Variants in GPRIN3 observed in about 807,000 individuals in gnomAD.
GPRIN3 encodes the protein GPRIN family member 3.
In GPRIN3, 12 loss-of-function variants were observed where a neutral mutation model predicts 13.7. That is an observed-to-expected ratio of 0.87 (90% CI 0.56 to 1.42). GPRIN3 has a LOEUF of 1.42. GPRIN3 is among the 40% of genes most tolerant of loss of function. GPRIN3 has a pLI of 0.00. For missense variants in GPRIN3, 1,009 were observed against 958.7 expected, an observed-to-expected ratio of 1.05 and a Z score of -0.69; for synonymous variants, 377 against 372.7, an observed-to-expected ratio of 1.01 and a Z score of -0.13.
intron 1 of GPRIN3, among the ~76,000 whole-genome samples, chr4:89,266,545 G>C (rs986075165): frequency 4.6e-5 from 7 of 152,200 alleles, no homozygotes. Context: ...AATGGTTTAG[G>C]AAAACTTGAC....
chr4:89,256,175 T>G (rs773869025), intron 1 of GPRIN3, among the ~76,000 whole-genome samples: 1 of 152,028 alleles, frequency 6.6e-6, no homozygotes, highest in Non-Finnish European at 1.5e-5. Flanking sequence ...ACTGTAACCA[T>G]GAGAAGAAAA....
At chr4:89,300,218 G>A (rs1724856934) in intron 1 of GPRIN3, among the ~76,000 whole-genome samples, 1 of 152,032 alleles carries the variant, frequency 6.6e-6, no homozygotes, top group Non-Finnish European at 1.5e-5. Context: ...GCATTTTGGA[G>A]CTCAATGGTA....
chr4:89,296,944 T>C (rs772145417), intron 1 of GPRIN3, among the ~76,000 whole-genome samples: 22 of 152,214 alleles, frequency 1.4e-4, no homozygotes, highest in Non-Finnish European at 2.6e-4. Context: ...AAATCCAAGA[T>C]AGAAGACAGA....
intron 1 of GPRIN3, among the ~76,000 whole-genome samples, chr4:89,297,329 T>C (rs193255667): frequency 1.3e-5 from 2 of 152,186 alleles, no homozygotes; most frequent in Non-Finnish European, 1.5e-5. Context: ...TATGGAGACA[T>C]GTATTAGGGT....
At chr4:89,300,310 T>C (rs1299100245) in intron 1 of GPRIN3, among the ~76,000 whole-genome samples, 1 of 152,060 alleles carries the variant, frequency 6.6e-6, no homozygotes, top group African/African-American at 2.4e-5. Flanking sequence ...AGTGAAGCTG[T>C]TGGGCACAAG....
chr4:89,300,674 G>C (rs552413688), intron 1 of GPRIN3, among the ~76,000 whole-genome samples: 1 of 152,210 alleles, frequency 6.6e-6, no homozygotes, highest in South Asian at 2.1e-4. Context: ...TCCCTCATAT[G>C]AAAGGAGACT....
intron 1 of GPRIN3, among the ~76,000 whole-genome samples, chr4:89,303,849 T>C (rs1026250982): frequency 6.6e-6 from 1 of 150,412 alleles, no homozygotes; most frequent in Non-Finnish European, 1.5e-5. Context: ...TAACATCACG[T>C]TGTATACTTT....
rs1353754048 is a variant in GPRIN3, at chr4:89,239,347, C to G, written c.*8433G>C. 1 of 152,060 alleles carries G rather than the reference C, an allele frequency of 6.6e-6. No individual in the cohort carries two copies. Among genetic ancestry groups the G allele is most frequent in the African/African-American group, 2.4e-5 (1 of 41,428 alleles). The allele number at this position is 152,060 out of a possible 1,614,324, so 9.4% of individuals were successfully genotyped here. The stretch of plus-strand genomic sequence containing the variant: ...TCTGGGTATTATTCAAATTAATACA[C>G]ATCTTTCAAAAATAATCACATAAAT... On this transcript the variant is annotated 3_prime_UTR_variant, in exon 2 of 2. Transcript: ENST00000609438.
intron 1 of GPRIN3, among the ~76,000 whole-genome samples, chr4:89,268,534 C>T (rs1245349774): frequency 2.6e-5 from 4 of 152,160 alleles, no homozygotes; most frequent in African/African-American, 9.7e-5. Flanking sequence ...TGCTACCCCT[C>T]CCAAATCCCC....
rs749356839 is a variant in GPRIN3 at position 89,247,908 on chromosome 4, T to C, written c.2203A>G (p.Ile735Val). The C allele has an allele frequency of 2.5e-6, 4 of 1,614,088 alleles. No homozygotes were observed. The highest frequency in any genetic ancestry group is 1.3e-5 in the African/African-American group (1 of 74,932). Reference protein sequence around the residue: ...KTQNSQTRRSISSDTSSNKKL... With the variant: ...KTQNSQTRRSVSSDTSSNKKL... The stretch of plus-strand genomic sequence containing the variant: ...TTATTTGAAGAAGTATCTGAGGAAA[T>C]GGATCTCCGGGTCTGGCTATTTTGA... Residue 735 changes from isoleucine to valine, a missense_variant, in exon 2 of 2, where the codon ATT becomes GTT. Transcript: ENST00000609438.
rs1722845473 is a variant in GPRIN3 at position 89,238,620 on chromosome 4, C to G, written c.*9160G>C. The G allele has an allele frequency of 6.6e-6, 1 of 151,600 alleles. No homozygotes were observed. Among genetic ancestry groups the G allele is most frequent in the Non-Finnish European group, 1.5e-5 (1 of 67,906 alleles). 9.4% of individuals were successfully genotyped at this position (151,600 alleles called of 1,614,324 possible). ...AACGCACAAACACACACACACTCTGCTCTACCAAGTACAGGAAAAACCTCG... is the reference window on the plus strand; with the variant it reads ...AACGCACAAACACACACACACTCTGGTCTACCAAGTACAGGAAAAACCTCG... On this transcript the variant is annotated 3_prime_UTR_variant, in exon 2 of 2. Coordinates refer to ENST00000609438, the MANE Select transcript of GPRIN3 (RefSeq NM_198281.3).
intron 1 of GPRIN3, among the ~76,000 whole-genome samples, chr4:89,298,460 T>C (rs934747468): frequency 6.6e-6 from 1 of 151,948 alleles, no homozygotes; most frequent in East Asian, 1.9e-4. Flanking sequence ...GGCTGCTTGG[T>C]TAGGACAGAG....
chr4:89,252,060 C>T lies in GPRIN3; in HGVS notation c.-123-1827G>A, dbSNP rs148886789. Among the ~76,000 whole-genome samples the T allele has an allele frequency of 8.4e-3, 1,276 of 151,850 alleles. 18 individuals are homozygous for T. Among genetic ancestry groups the T allele is most frequent in the African/African-American group, 0.029 (1,210 of 41,370 alleles). ...CAGTCATGGCTCACTGCAGCCTCGACCTCCCAGGCTCAAGCTATCTTCCCA... is the reference window on the plus strand; with the variant it reads ...CAGTCATGGCTCACTGCAGCCTCGATCTCCCAGGCTCAAGCTATCTTCCCA... On this transcript the variant is annotated intron_variant, in intron 1 of 1. Coordinates refer to ENST00000609438, the MANE Select transcript of GPRIN3 (RefSeq NM_198281.3).
intron 1 of GPRIN3, among the ~76,000 whole-genome samples, chr4:89,264,880 T>C (rs1723740807): frequency 6.6e-6 from 1 of 152,212 alleles, no homozygotes; most frequent in Non-Finnish European, 1.5e-5. Context: ...ATATATGAAA[T>C]GTCTTCCCCT....
rs1019160886 is a variant in GPRIN3 at position 89,249,230 on chromosome 4, C to T, written c.881G>A (p.Arg294Lys). 1 of 1,614,104 alleles carries T rather than the reference C, an allele frequency of 6.2e-7. No individual in the cohort carries two copies. Among genetic ancestry groups the T allele is most frequent in the African/African-American group, 1.3e-5 (1 of 75,030 alleles). Residue 294 changes from arginine (R) to lysine (K), a missense_variant, in exon 2 of 2, where the codon AGG becomes AAG. Physicochemically the swap from Arg to Lys is conservative, Grantham distance 26. Coordinates refer to ENST00000609438, the MANE Select transcript of GPRIN3 (RefSeq NM_198281.3). The stretch of plus-strand genomic sequence containing the variant: ...GGTCATCGTACTGGCTTCTTTGAAC[C>T]TTGACATCTGACGCTGTGCTGGCAG... The part of the protein sequence containing the change: ...VPLPAQRQMS[R>K]FKEASTMTNQ...
chr4:89,292,971 C>A (rs185665898), intron 1 of GPRIN3, among the ~76,000 whole-genome samples: 73 of 152,226 alleles, frequency 4.8e-4, no homozygotes, highest in Admixed American at 7.9e-4. Flanking sequence ...ATGATGCATA[C>A]CTTGGAGAGA....
intron 1 of GPRIN3, among the ~76,000 whole-genome samples, chr4:89,284,792 C>T (rs1486597782): frequency 6.6e-6 from 1 of 152,146 alleles, no homozygotes; most frequent in Non-Finnish European, 1.5e-5. Context: ...CTTAATTATT[C>T]TTGGACTTAG....
chr4:89,274,604 A>G (rs1724044067), intron 1 of GPRIN3, among the ~76,000 whole-genome samples: 1 of 152,216 alleles, frequency 6.6e-6, no homozygotes, highest in South Asian at 2.1e-4. Context: ...CAATGGGGAA[A>G]ACACTGTTAT....
chr4:89,305,619 G>A (rs1725012693), intron 1 of GPRIN3, among the ~76,000 whole-genome samples: 1 of 152,156 alleles, frequency 6.6e-6, no homozygotes, highest in Non-Finnish European at 1.5e-5. Context: ...GTGATTCCAA[G>A]ACCAATATTT....
Sources: gnomAD v4.1 joint callset for allele counts (sites outside exome capture counted in the v4.1 genomes callset) on GRCh38, gnomAD v4.1.1 for gene constraint, MANE v1.5 for transcripts, NCBI Gene and HGNC (gene_info 2026-07-23, HGNC 2026-07-21) for gene names.